Variants in SECISBP2 observed in about 807,000 individuals in gnomAD.
SECISBP2 encodes the protein selenocysteine insertion sequence-binding protein 2.
In SECISBP2, 96 loss-of-function variants were observed where a neutral mutation model predicts 98.2. The observed-to-expected ratio is 0.98, with a 90% CI of 0.83 to 1.16. SECISBP2 has a LOEUF of 1.16. Ranked by LOEUF, SECISBP2 falls within the 50% of genes most tolerant of loss-of-function variation. SECISBP2 has a pLI of 0.00. For missense variants in SECISBP2, 1,046 were observed against 1,022.9 expected (o/e 1.02, Z -0.31); for synonymous variants, 407 against 370.2 (o/e 1.10, Z -1.14).
intron 10 of SECISBP2, among the ~76,000 whole-genome samples, chr9:89,345,056 T>C (rs1184656894): frequency 6.6e-6 from 1 of 152,220 alleles, no homozygotes; most frequent in African/African-American, 2.4e-5. Context: ...TAGCAACAAA[T>C]TCTCATGGTC....
chr9:89,363,805 G>A (rs747532814), downstream of SECISBP2: 2 of 1,614,036 alleles, frequency 1.2e-6, no homozygotes, highest in Admixed American at 3.3e-5. Context: ...GGACAGAGCA[G>A]CGATACTCAG....
At chr9:89,357,364 C>T (rs764400306) in intron 14 of SECISBP2, 47 bp from the exon 15 acceptor site, 1 of 1,610,450 alleles carries the variant, frequency 6.2e-7, no homozygotes, top group Non-Finnish European at 8.5e-7. Context: ...TAACACCACA[C>T]TCCATGTGAC....
intron 10 of SECISBP2, among the ~76,000 whole-genome samples, chr9:89,343,322 T>G (rs535976465): frequency 2.6e-5 from 4 of 152,122 alleles, no homozygotes; most frequent in Admixed American, 6.6e-5. Context: ...AAACTCTACT[T>G]TTTTTTTAAA....
At chr9:89,326,425 A>C (rs75748955) in intron 4 of SECISBP2, among the ~76,000 whole-genome samples, 1 of 152,222 alleles carries the variant, frequency 6.6e-6, no homozygotes, top group Non-Finnish European at 1.5e-5. Context: ...TATCCATTGC[A>C]TTTCAGGAGA....
rs1827257834 is a variant in SECISBP2, at chr9:89,328,984, T to C, written c.801+98T>C. 13 of 999,586 alleles carry C rather than the reference T, an allele frequency of 1.3e-5. No individual in the cohort carries two copies. In the South Asian group the frequency reaches 1.7e-4, roughly 13 times the overall value. 61.9% of individuals were successfully genotyped at this position (999,586 alleles called of 1,614,324 possible). ...TTAAATCTTGCTGTGGGCTTTGATG[T>C]CCATGGAGCTGGGGAGGATGTATTG... On this transcript the variant is annotated intron_variant, in intron 5 of 16. Coordinates refer to ENST00000375807, the MANE Select transcript of SECISBP2 (RefSeq NM_024077.5).
At chr9:89,344,843 A>T (rs1830200816) in intron 10 of SECISBP2, among the ~76,000 whole-genome samples, 1 of 152,216 alleles carries the variant, frequency 6.6e-6, no homozygotes, top group African/African-American at 2.4e-5. Context: ...TTATAAACCA[A>T]ACACTGCAGT....
chr9:89,323,357 G>A (rs1345640881), intron 2 of SECISBP2: 1 of 152,284 alleles, frequency 6.6e-6, no homozygotes, highest in Non-Finnish European at 1.5e-5. Context: ...GTGTCAGATG[G>A]GTGAGATAAG....
Position 89,332,893 on chromosome 9 carries a change from G to A in SECISBP2, c.802-15G>A, listed in dbSNP as rs371003282. ...TTGCATTTCTCTGATGACATCTAATGTGTTTGCTTTTTAGGGTGAAATAGT... is the reference window on the plus strand; with the variant it reads ...TTGCATTTCTCTGATGACATCTAATATGTTTGCTTTTTAGGGTGAAATAGT... On this transcript the variant is annotated splice_polypyrimidine_tract_variant and intron_variant, in intron 5 of 16. Coordinates refer to ENST00000375807, the MANE Select transcript of SECISBP2 (RefSeq NM_024077.5). The A allele has an allele frequency of 2.5e-6, 4 of 1,601,096 alleles. No individual in the cohort carries two copies. Among genetic ancestry groups the A allele is most frequent in the Admixed American group, 3.3e-5 (2 of 59,982 alleles).
chr9:89,353,320 G>C (rs1831566753), intron 14 of SECISBP2, among the ~76,000 whole-genome samples: 1 of 152,188 alleles, frequency 6.6e-6, no homozygotes, highest in African/African-American at 2.4e-5. Context: ...GGGTGTCTCT[G>C]TCTCCCCTAG....
chr9:89,321,458 A>C lies in SECISBP2; in HGVS notation c.182+1661A>C, dbSNP rs564371576. Among the ~76,000 whole-genome samples the C allele has an allele frequency of 1.4e-3, 207 of 151,956 alleles. 2 individuals carry two copies. The highest frequency in any genetic ancestry group is 4.8e-3 in the African/African-American group (198 of 41,422). On this transcript the variant is annotated intron_variant, in intron 2 of 16. Coordinates refer to ENST00000375807, the MANE Select transcript of SECISBP2 (RefSeq NM_024077.5). Reference sequence around the variant, plus strand: ...AAGGCGGGTGGATCACGAGGTCAGGAGTTCAAGACGAGCCTGACCAACATG... The same window carrying C: ...AAGGCGGGTGGATCACGAGGTCAGGCGTTCAAGACGAGCCTGACCAACATG...
At chr9:89,361,156 A>C (rs1832729770), downstream of SECISBP2, 1 of 152,346 alleles carries the variant, frequency 6.6e-6, no homozygotes, top group African/African-American at 2.4e-5. Context: ...CACACCTCAC[A>C]GGCAGCTGGG....
intron 5 of SECISBP2, chr9:89,329,375 C>G (rs1827351533): frequency 5.7e-6 from 1 of 175,076 alleles, no homozygotes; most frequent in Non-Finnish European, 1.2e-5. Flanking sequence ...CTGGGCCTCC[C>G]AAAGTGCTAG....
In SECISBP2 at chr9:89,319,609, G is replaced by T. The variant is rs745569081; in HGVS notation, c.37-43G>T. ...TCTTTTTGTTTGTTTATATTTGCTT[G>T]ATCTCTGAATGTTTGTGGCCAAAAC... On this transcript the variant is annotated intron_variant, in intron 1 of 16. Coordinates refer to ENST00000375807, the MANE Select transcript of SECISBP2 (RefSeq NM_024077.5). 12 of 1,610,178 alleles carry T rather than the reference G, an allele frequency of 7.5e-6. No individual in the cohort carries two copies. In the South Asian group the frequency reaches 1.3e-4, roughly 18 times the overall value.
Position 89,343,953 on chromosome 9 carries a change from G to A in SECISBP2, c.1435+2474G>A, listed in dbSNP as rs186253528. On this transcript the variant is annotated intron_variant, in intron 10 of 16. Coordinates refer to ENST00000375807, the MANE Select transcript of SECISBP2 (RefSeq NM_024077.5). ...GCGGTTGAACTAATTTACACTCCCAGCAACAGTGTATAAGCGATTCTTTTT... is the reference window on the plus strand; with the variant it reads ...GCGGTTGAACTAATTTACACTCCCAACAACAGTGTATAAGCGATTCTTTTT... Among the ~76,000 whole-genome samples, 7 of 152,282 alleles carry A rather than the reference G, an allele frequency of 4.6e-5. No individual in the cohort carries two copies. The South Asian group carries it at 1.0e-3, about 23-fold the overall frequency.
In SECISBP2 at chr9:89,326,033, A is replaced by T. The variant is rs764580383; in HGVS notation, c.569A>T (p.Lys190Ile). ...TCCATTTACGCTGAGAATAGTTTGA[A>T]ATCAGGTAAAAATAACCAACAATGT... ...HLSIYAENSL[K>I]SDGYHKRTDR... The change falls in exon 4 of 17, where the codon AAA becomes ATA. Residue 190 changes from lysine (K) to isoleucine (I), a missense_variant. Coordinates refer to ENST00000375807, the MANE Select transcript of SECISBP2 (RefSeq NM_024077.5). 6.2e-7 allele frequency: 1 copy of T among 1,612,600 alleles called. No homozygotes were observed. The highest frequency in any genetic ancestry group is 1.1e-5 in the South Asian group (1 of 91,082).
chr9:89,334,633 C>T lies in SECISBP2; in HGVS notation c.992C>T (p.Ser331Leu). 1.2e-6 allele frequency: 2 copies of T among 1,613,974 alleles called. No homozygotes were observed. The highest frequency in any genetic ancestry group is 1.3e-5 in the African/African-American group (1 of 75,056). Residue 331 changes from serine (S) to leucine (L), a missense_variant, in exon 7 of 17, where the codon TCA becomes TTA. By Grantham distance (145) the Ser-to-Leu change is moderately radical. Coordinates refer to ENST00000375807, the MANE Select transcript of SECISBP2 (RefSeq NM_024077.5). The part of the protein sequence containing the change: ...SMINLKTIAS[S>L]ADPKNVSIPS... ...ATAAACTTAAAGACCATTGCTTCATCAGCAGATCCTAAAAATGTTAGTATA... is the reference window on the plus strand; with the variant it reads ...ATAAACTTAAAGACCATTGCTTCATTAGCAGATCCTAAAAATGTTAGTATA...
chr9:89,350,682 T>C lies in SECISBP2; in HGVS notation c.1943T>C (p.Leu648Pro), dbSNP rs761547241. Reference sequence around the variant, plus strand: ...GAAGTGGATGCTTGTGTTACCGACCTACTCAAAGAACTGGTCCGTTTCCAA... The same window carrying C: ...GAAGTGGATGCTTGTGTTACCGACCCACTCAAAGAACTGGTCCGTTTCCAA... ...SKEVDACVTD[L>P]LKELVRFQDR... The change falls in exon 14 of 17, where the codon CTA (leucine) becomes CCA (proline). Residue 648 changes from leucine (L) to proline (P), a missense_variant. Coordinates refer to ENST00000375807, the MANE Select transcript of SECISBP2 (RefSeq NM_024077.5). 1.9e-6 allele frequency: 3 copies of C among 1,614,180 alleles called. No individual in the cohort carries two copies. Among genetic ancestry groups the C allele is most frequent in the Non-Finnish European group, 2.5e-6 (3 of 1,180,026 alleles).
chr9:89,320,374 AAAAAAAT>A lies in SECISBP2; in HGVS notation c.182+578_182+584del, dbSNP rs1196553521. Among the ~76,000 whole-genome samples the A allele has an allele frequency of 2.0e-5, 3 of 151,848 alleles. No individual in the cohort carries two copies. In the East Asian group the frequency reaches 5.8e-4, roughly 29 times the overall value. ...CTGTCTCAAAAAAAAAAAAAAAAAAAAAAAAATCCCGTTTCAAGGTTCATTTGTTCAT... is the reference window on the plus strand; with the variant it reads ...CTGTCTCAAAAAAAAAAAAAAAAAAACCCGTTTCAAGGTTCATTTGTTCAT... On this transcript the variant is annotated intron_variant, in intron 2 of 16. Coordinates refer to ENST00000375807, the MANE Select transcript of SECISBP2 (RefSeq NM_024077.5).
chr9:89,350,941 T>G, intron 14 of SECISBP2, 89 bp downstream of exon 14: 1 of 1,081,806 alleles, frequency 9.2e-7, no homozygotes, highest in Non-Finnish European at 1.4e-6. Context: ...CAGCGGCCCA[T>G]GCCACAGGTC....
Sources: gnomAD v4.1 joint callset for allele counts (sites outside exome capture counted in the v4.1 genomes callset) on GRCh38, gnomAD v4.1.1 for gene constraint, MANE v1.5 for transcripts, NCBI Gene and HGNC (gene_info 2026-07-23, HGNC 2026-07-21) for gene names.